ATP7B: variants seen among roughly 807,000 people sequenced by gnomAD.
ATP7B encodes copper-transporting ATPase 2.
Under a neutral mutation model 118.9 loss-of-function variants are expected in ATP7B, and 113 were observed. The ratio of observed to expected loss-of-function variants is 0.95; its 90% confidence interval spans 0.82 to 1.11. The LOEUF is 1.11. Among genes scored for constraint, ATP7B ranks in the 50% most tolerant of loss-of-function variants. ATP7B has a pLI of 0.00. For missense variants in ATP7B, 1,867 were observed against 1,871.4 expected (o/e 1.00, Z 0.04); for synonymous variants, 777 against 727.4 (o/e 1.07, Z -1.10).
At chr13:52,003,527 T>G (rs1953624620) in intron 1 of ATP7B, among the ~76,000 whole-genome samples, 1 of 151,958 alleles carries the variant, frequency 6.6e-6, no homozygotes, top group South Asian at 2.1e-4. Context: ...TGAAATATTG[T>G]GAGAATTACC....
upstream of ATP7B, chr13:52,011,486 G>T: frequency 2.2e-6 from 2 of 918,730 alleles, no homozygotes; most frequent in East Asian, 5.3e-5. Flanking sequence ...GCAAACAGGG[G>T]TCCGGGAACC....
rs1566461818 is a variant in ATP7B, at chr13:51,941,154, AATGGTTAAACC to A, written c.3472_3482del (p.Gly1158PhefsTer2). ...TCATAGCGTCACTGACATCGCTAGA[AATGGTTAAACC>A]GTTGCGCCTCAGCCACTCACGGTTT... On this transcript the variant is annotated frameshift_variant, in exon 16 of 21. Transcript: ENST00000242839. LOFTEE classifies it high-confidence loss of function. 7 of 1,614,168 alleles carry A rather than the reference AATGGTTAAACC, an allele frequency of 4.3e-6. No individual in the cohort carries two copies. The highest frequency in any genetic ancestry group is 5.9e-6 in the Non-Finnish European group (7 of 1,180,032).
chr13:51,990,712 C>A (rs969000737), intron 1 of ATP7B, among the ~76,000 whole-genome samples: 7 of 152,234 alleles, frequency 4.6e-5, no homozygotes, highest in Admixed American at 4.6e-4. Flanking sequence ...CTAGATCACA[C>A]CACTTCATTT....
intron 1 of ATP7B, among the ~76,000 whole-genome samples, chr13:52,001,145 ACTT>A: frequency 6.6e-6 from 1 of 152,296 alleles, no homozygotes; most frequent in Non-Finnish European, 1.5e-5. Flanking sequence ...GCATCTAATG[ACTT>A]CAACACATCC....
chr13:51,944,093 G>C lies in ATP7B; in HGVS notation c.3243+16C>G, dbSNP rs376242793. ...GCATTGGCGGGGAGGGCAGGGCCAC[G>C]CCCAAGTCCACGTACCTCTTTACAG... is the stretch of plus-strand genomic sequence containing the variant. On this transcript the variant is annotated intron_variant, in intron 14 of 20. Coordinates refer to ENST00000242839, the MANE Select transcript of ATP7B (RefSeq NM_000053.4). 6.2e-7 allele frequency: 1 copy of C among 1,613,760 alleles called. No homozygotes were observed. Among genetic ancestry groups the C allele is most frequent in the South Asian group, 1.1e-5 (1 of 91,080 alleles).
chr13:51,974,759 C>A lies in ATP7B; in HGVS notation c.461G>T (p.Cys154Phe). 1 of 1,614,210 alleles carries A rather than the reference C, an allele frequency of 6.2e-7. No homozygotes were observed. The highest frequency in any genetic ancestry group is 8.5e-7 in the Non-Finnish European group (1 of 1,180,028). The change falls in exon 2 of 21, where the codon TGC becomes TTC. Residue 154 changes from cysteine (C) to phenylalanine (F), a missense_variant. Transcript: ENST00000242839. ...VVKLRVEGMT[C>F]QSCVSSIEGK... ...TTCAATGGAGCTGACACAGGACTGG[C>A]AGGTCATGCCCTCCACCCGGAGCTT...
intron 13 of ATP7B, 96 bp downstream of exon 13, chr13:51,946,188 G>A: frequency 6.8e-7 from 1 of 1,474,084 alleles, no homozygotes; most frequent in South Asian, 1.2e-5. Context: ...TAACACTGCT[G>A]TCTTGAGTGG....
rs1555291836 is a variant in ATP7B at position 51,960,225 on chromosome 13, T to C, written c.2044A>G (p.Met682Val). The stretch of plus-strand genomic sequence containing the variant: ...GGAATGATGTTGTGGTCCAGGACCA[T>C]GGACTGGTGGGGCTCGTTGCTGGGT... ...LIPSNEPHQS[M>V]VLDHNIIPGL... Residue 682 changes from methionine to valine, a missense_variant, in exon 7 of 21, where the codon ATG (methionine) becomes GTG (valine). Physicochemically the swap from Met to Val is conservative, Grantham distance 21 (BLOSUM62 1). Coordinates refer to ENST00000242839, the MANE Select transcript of ATP7B (RefSeq NM_000053.4). 5.6e-6 allele frequency: 9 copies of C among 1,613,928 alleles called. No homozygotes were observed. The highest frequency in any genetic ancestry group is 1.3e-5 in the African/African-American group (1 of 75,032).
At position 51,949,793 on chromosome 13, in the gene ATP7B, G is replaced by A; in HGVS notation, c.2734C>T (p.Pro912Ser). Residue 912 changes from proline (P) to serine (S), a missense_variant, in exon 12 of 21, where the codon CCC becomes TCC. Physicochemically the swap from Pro to Ser is moderately conservative, Grantham distance 74 (BLOSUM62 -1). Transcript: ENST00000242839. ...LVEEAQMSKA[P>S]IQQLADRFSG... Reference sequence around the variant, plus strand: ...AACCGGTCAGCCAGCTGCTGAATGGGTGCCTATGAAAATAAAACACCAAGA... The same window carrying A: ...AACCGGTCAGCCAGCTGCTGAATGGATGCCTATGAAAATAAAACACCAAGA... 1 of 1,613,908 alleles carries A rather than the reference G, an allele frequency of 6.2e-7. No homozygotes were observed. Among genetic ancestry groups the A allele is most frequent in the Non-Finnish European group, 8.5e-7 (1 of 1,180,030 alleles).
chr13:51,998,829 G>A (rs1206446223), intron 1 of ATP7B, among the ~76,000 whole-genome samples: 1 of 152,180 alleles, frequency 6.6e-6, no homozygotes, highest in African/African-American at 2.4e-5. Flanking sequence ...CTTTGGAGGA[G>A]GGACATCTGG....
At position 51,974,620 on chromosome 13, in the gene ATP7B, A is replaced by G. The variant is rs2140095470; in HGVS notation, c.600T>C (p.His200=). ...YLIQPEDLRD[H]VNDMGFEAAI... Reference sequence around the variant, plus strand: ...CAGCTTCAAATCCCATGTCATTTACATGGTCCCTGAGGTCTTCGGGCTGAA... The same window carrying G: ...CAGCTTCAAATCCCATGTCATTTACGTGGTCCCTGAGGTCTTCGGGCTGAA... The change falls in exon 2 of 21, where the codon CAT becomes CAC. Residue 200 remains histidine, a synonymous_variant. Transcript: ENST00000242839. 6.2e-7 allele frequency: 1 copy of G among 1,613,576 alleles called. No individual in the cohort carries two copies. The highest frequency in any genetic ancestry group is 8.5e-7 in the Non-Finnish European group (1 of 1,179,720).
chr13:51,945,848 AC>A (rs1257318549), intron 13 of ATP7B, among the ~76,000 whole-genome samples: 2 of 151,806 alleles, frequency 1.3e-5, no homozygotes, highest in East Asian at 3.9e-4. Flanking sequence ...CTTCACAAAC[AC>A]CGTCACTCAC....
At chr13:51,949,385 C>A (rs377752512) in intron 12 of ATP7B, among the ~76,000 whole-genome samples, 5 of 152,112 alleles carry the variant, frequency 3.3e-5, no homozygotes, top group Non-Finnish European at 7.3e-5. Flanking sequence ...ACCAATAATA[C>A]ATATTGTAAA....
At chr13:51,983,738 G>A (rs9526818) in intron 1 of ATP7B, among the ~76,000 whole-genome samples, 6,882 of 152,286 alleles carry the variant, frequency 0.045, 191 homozygotes, top group South Asian at 0.09. Context: ...TTGCTGTTCT[G>A]TAGCCTCTGC....
chr13:51,996,954 A>T (rs1373234226), intron 1 of ATP7B, among the ~76,000 whole-genome samples: 10 of 152,262 alleles, frequency 6.6e-5, no homozygotes. Flanking sequence ...ACCCATTTTC[A>T]TCAAAGGAAA....
chr13:51,999,731 C>T (rs865890056), intron 1 of ATP7B, among the ~76,000 whole-genome samples: 6 of 152,178 alleles, frequency 3.9e-5, no homozygotes, highest in Admixed American at 6.5e-5. Context: ...TGTGACAGAA[C>T]GCACATCCAG....
rs879687854 is a variant in ATP7B at position 51,966,724 on chromosome 13, A to G, written c.1708-1691T>C. 7 of 1,569,684 alleles carry G rather than the reference A, an allele frequency of 4.5e-6. No homozygotes were observed. In the African/African-American group the frequency reaches 9.5e-5, roughly 21 times the overall value. Reference sequence around the variant, plus strand: ...CGACGTAGACCCTGCTCTGCACGCCAGCCCGCCCGCACCCACCATGGCCAC... The same window carrying G: ...CGACGTAGACCCTGCTCTGCACGCCGGCCCGCCCGCACCCACCATGGCCAC... On this transcript the variant is annotated intron_variant, in intron 4 of 20. Transcript: ENST00000242839.
chr13:51,963,284 G>A (rs951075045), intron 5 of ATP7B, among the ~76,000 whole-genome samples: 1 of 152,098 alleles, frequency 6.6e-6, no homozygotes, highest in Non-Finnish European at 1.5e-5. Context: ...CACAAGACCT[G>A]GGTTTGAACA....
At chr13:51,975,381 C>T (rs768805810) in intron 1 of ATP7B, 43 of 751,578 alleles carry the variant, frequency 5.7e-5, no homozygotes, top group Non-Finnish European at 9.3e-5. Flanking sequence ...AGCTAACTGT[C>T]TGTCCTCCTT....
Sources: gnomAD v4.1 joint callset for allele counts (sites outside exome capture counted in the v4.1 genomes callset) on GRCh38, gnomAD v4.1.1 for gene constraint, MANE v1.5 for transcripts, NCBI Gene and HGNC (gene_info 2026-07-23, HGNC 2026-07-21) for gene names.